Variants in FAM98B observed in about 807,000 individuals in gnomAD.
The protein encoded by FAM98B is tRNA splicing ligase complex subunit 3B.
A neutral mutation model predicts 43.9 loss-of-function variants in FAM98B; 32 were observed. That is an observed-to-expected ratio of 0.73 (90% CI 0.55 to 0.98). The LOEUF (loss-of-function observed/expected upper bound fraction) is 0.98. Among genes scored for constraint, FAM98B ranks in the 50% least tolerant of loss-of-function variants. The pLI, the probability that FAM98B is intolerant of heterozygous loss-of-function variation, is 0.00. For synonymous variants in FAM98B, 190 were observed against 174.0 expected, an observed-to-expected ratio of 1.09 and a Z score of -0.72; for missense variants, 514 against 522.9, an observed-to-expected ratio of 0.98 and a Z score of 0.17.
rs1320715980 is a variant in FAM98B, at chr15:38,486,182, G to T, written c.*1523G>T. ...AACCCTTTGAAGAAATGTGTTCAAG[G>T]TAGGAAAATATAAAATTTTTTGGTT... is the stretch of plus-strand genomic sequence containing the variant. On this transcript the variant is annotated 3_prime_UTR_variant, in exon 8 of 8. Coordinates refer to ENST00000397609, the MANE Select transcript of FAM98B (RefSeq NM_173611.4). The T allele has an allele frequency of 6.6e-6, 1 of 151,916 alleles. No homozygotes were observed. The highest frequency in any genetic ancestry group is 1.9e-4 in the East Asian group (1 of 5,192). The allele number at this position is 151,916 out of a possible 1,614,324, so 9.4% of individuals were successfully genotyped here.
intron 1 of FAM98B, among the ~76,000 whole-genome samples, chr15:38,459,815 A>T (rs59464814): frequency 2.0e-5 from 3 of 152,340 alleles, no homozygotes; most frequent in East Asian, 3.9e-4. Context: ...TGGAGAATCC[A>T]GAGTGAAAAC....
chr15:38,474,365 C>A, intron 6 of FAM98B, 67 bp downstream of exon 6: 1 of 1,070,766 alleles, frequency 9.3e-7, no homozygotes, highest in Non-Finnish European at 1.4e-6. Context: ...GCTTGCTTGT[C>A]TGTTATGTAA....
chr15:38,455,073 C>T (rs1481285499), intron 1 of FAM98B, among the ~76,000 whole-genome samples: 2 of 152,160 alleles, frequency 1.3e-5, no homozygotes, highest in Non-Finnish European at 2.9e-5. Context: ...TCTGCTTCTC[C>T]CTCGTTTTAT....
chr15:38,473,584 C>T lies in FAM98B; in HGVS notation c.611C>T (p.Ala204Val), dbSNP rs769687413. 3.1e-6 allele frequency: 5 copies of T among 1,601,912 alleles called. No homozygotes were observed. Among genetic ancestry groups the T allele is most frequent in the South Asian group, 2.3e-5 (2 of 88,408 alleles). The change falls in exon 5 of 8, where the codon GCG becomes GTG. Residue 204 changes from alanine to valine, a missense_variant and splice_region_variant. Transcript: ENST00000397609. ...LLKMDLNSEQ[A>V]EQLERINDAL... ...AAAATGGATTTAAATTCAGAACAGG[C>T]GGTAAATCCCCCTTTTTGTTATTAG...
At chr15:38,484,186 A>G in intron 7 of FAM98B, 69 bp from the exon 8 acceptor site, 1 of 1,421,992 alleles carries the variant, frequency 7.0e-7, no homozygotes, top group Non-Finnish European at 9.6e-7. Flanking sequence ...TAGAAACAAC[A>G]TCACTTGAAA....
rs1349794199 is a variant in FAM98B at position 38,481,476 on chromosome 15, G to A, written c.897+17G>A. On this transcript the variant is annotated intron_variant, in intron 7 of 7. Coordinates refer to ENST00000397609, the MANE Select transcript of FAM98B (RefSeq NM_173611.4). ...ATTAATAAGGTTGGTGTTTCTTTCA[G>A]TACAGTGGAAAATGAATTGATGATA... 1 of 1,614,146 alleles carries A rather than the reference G, an allele frequency of 6.2e-7. No individual in the cohort carries two copies. The highest frequency in any genetic ancestry group is 1.1e-5 in the South Asian group (1 of 91,080).
intron 1 of FAM98B, chr15:38,459,315 G>T: frequency 4.0e-6 from 2 of 496,100 alleles, no homozygotes; most frequent in South Asian, 1.5e-5. Context: ...TGGTACTGGA[G>T]ACACTGGAGC....
intron 1 of FAM98B, among the ~76,000 whole-genome samples, chr15:38,458,420 G>A (rs1386684837): frequency 6.6e-6 from 1 of 152,152 alleles, no homozygotes; most frequent in African/African-American, 2.4e-5. Flanking sequence ...TAGGGTGACA[G>A]GAGAGGAGAC....
At chr15:38,482,230 G>A (rs1362957087) in intron 7 of FAM98B, 1 of 152,332 alleles carries the variant, frequency 6.6e-6, no homozygotes, top group South Asian at 2.1e-4. Context: ...GCTAACTATT[G>A]CTAAGTTAGG....
At chr15:38,465,161 G>A in intron 2 of FAM98B, 108 bp from the exon 3 acceptor site, 1 of 1,124,234 alleles carries the variant, frequency 8.9e-7, no homozygotes, top group Non-Finnish European at 1.2e-6. Context: ...AGGATTTAAT[G>A]TGAAAATTTA....
rs1182734740 is a variant in FAM98B at position 38,485,164 on chromosome 15, AGTT to A, written c.*511_*513del. ...GCACTTCCAGTTGTATTTAGTAGGC[AGTT>A]GTTGTGAATCATTTTTTTCTCTTAT... On this transcript the variant is annotated 3_prime_UTR_variant, in exon 8 of 8. Transcript: ENST00000397609. 6.6e-6 allele frequency: 1 copy of A among 152,222 alleles called. No individual in the cohort carries two copies. Among genetic ancestry groups the A allele is most frequent in the African/African-American group, 2.4e-5 (1 of 41,446 alleles). The allele number at this position is 152,222 out of a possible 1,614,324, so 9.4% of individuals were successfully genotyped here. A position where few individuals can be genotyped will look rare whatever the true frequency, so the allele number is the denominator to read the frequency against.
At chr15:38,479,345 C>T (rs1595803904) in intron 6 of FAM98B, among the ~76,000 whole-genome samples, 2 of 152,274 alleles carry the variant, frequency 1.3e-5, no homozygotes, top group African/African-American at 4.8e-5. Flanking sequence ...TATGTAATTC[C>T]ATAACACTTC....
intron 5 of FAM98B, among the ~76,000 whole-genome samples, chr15:38,473,978 T>C (rs1890160471): frequency 6.6e-6 from 1 of 152,202 alleles, no homozygotes; most frequent in South Asian, 2.1e-4. Flanking sequence ...ATTTGTATGT[T>C]TAATGTCTTC....
At chr15:38,469,404 A>G (rs954176274) in intron 3 of FAM98B, among the ~76,000 whole-genome samples, 1 of 152,222 alleles carries the variant, frequency 6.6e-6, no homozygotes, top group Non-Finnish European at 1.5e-5. Flanking sequence ...AGTTAGAGCT[A>G]TATGTTCTCC....
intron 4 of FAM98B, among the ~76,000 whole-genome samples, chr15:38,472,695 A>G (rs1453186405): frequency 2.0e-5 from 3 of 152,104 alleles, no homozygotes; most frequent in African/African-American, 7.2e-5. Flanking sequence ...CTTCCAAGCT[A>G]ATTTTGAATT....
chr15:38,470,835 A>G (rs2141057427), intron 4 of FAM98B, among the ~76,000 whole-genome samples: 1 of 152,234 alleles, frequency 6.6e-6, no homozygotes, highest in African/African-American at 2.4e-5. Flanking sequence ...TTTTTGGTGG[A>G]TAAATGTTTA....
intron 1 of FAM98B, among the ~76,000 whole-genome samples, chr15:38,455,541 GAAAGAAC>G (rs1889835609): frequency 6.6e-6 from 1 of 152,174 alleles, no homozygotes; most frequent in Non-Finnish European, 1.5e-5. Flanking sequence ...TTTGTCAAAC[GAAAGAAC>G]AGTGCCATTG....
chr15:38,484,684 G>A lies in FAM98B; in HGVS notation c.*25G>A. 10 of 1,503,814 alleles carry A rather than the reference G, an allele frequency of 6.6e-6. No homozygotes were observed. The highest frequency in any genetic ancestry group is 8.8e-6 in the Non-Finnish European group (10 of 1,134,180). 93.2% of individuals were successfully genotyped at this position (1,503,814 alleles called of 1,614,324 possible). A position where few individuals can be genotyped will look rare whatever the true frequency, so the allele number is the denominator to read the frequency against. Reference sequence around the variant, plus strand: ...AAAACTATAAAAATTAGATAGCAGTGCTTGCTTCTTTATAGATACATTAGA... The same window carrying A: ...AAAACTATAAAAATTAGATAGCAGTACTTGCTTCTTTATAGATACATTAGA... On this transcript the variant is annotated 3_prime_UTR_variant, in exon 8 of 8. Coordinates refer to ENST00000397609, the MANE Select transcript of FAM98B (RefSeq NM_173611.4).
At chr15:38,476,992 A>G (rs1252254462) in intron 6 of FAM98B, among the ~76,000 whole-genome samples, 2 of 151,952 alleles carry the variant, frequency 1.3e-5, no homozygotes, top group Admixed American at 6.6e-5. Context: ...CTCTGTCTCT[A>G]ATGATAAAGG....
Sources: allele counts gnomAD v4.1 joint callset (sites outside exome capture counted in the v4.1 genomes callset), GRCh38; gene constraint gnomAD v4.1.1; transcripts MANE v1.5; gene names NCBI Gene and HGNC (gene_info 2026-07-23, HGNC 2026-07-21).